The following SLC35F3 variants were observed in gnomAD, a reference collection of about 807,000 sequenced individuals.
The protein encoded by SLC35F3 is solute carrier family 35 member F3.
A neutral mutation model predicts 49.9 loss-of-function variants in SLC35F3; 25 were observed. The observed-to-expected ratio is 0.50, with a 90% CI of 0.37 to 0.70. The LOEUF (loss-of-function observed/expected upper bound fraction) is 0.70, where lower values mean the gene tolerates loss of function less well. SLC35F3 is among the 30% of genes least tolerant of loss of function. The pLI is 0.00. For synonymous variants in SLC35F3, 275 were observed against 265.4 expected, an observed-to-expected ratio of 1.04 and a Z score of -0.35; for missense variants, 525 against 639.8, an observed-to-expected ratio of 0.82 and a Z score of 1.94.
At chr1:234,051,763 A>G (rs1441027310) in intron 2 of SLC35F3, among the ~76,000 whole-genome samples, 1 of 152,070 alleles carries the variant, frequency 6.6e-6, no homozygotes, top group Non-Finnish European at 1.5e-5. Flanking sequence ...TCAGTATGAT[A>G]TTGGCTGTGG....
chr1:234,189,781 G>A (rs940688186), intron 2 of SLC35F3, among the ~76,000 whole-genome samples: 11 of 152,122 alleles, frequency 7.2e-5, no homozygotes, highest in African/African-American at 2.4e-4. Flanking sequence ...GTTATCCAAA[G>A]TCAAGACAAA....
chr1:234,183,015 C>T (rs1457134521), intron 2 of SLC35F3, among the ~76,000 whole-genome samples: 2 of 134,576 alleles, frequency 1.5e-5, no homozygotes, highest in Non-Finnish European at 3.1e-5. Context: ...TTGCTTAAGA[C>T]TTTTTGTTTG....
At chr1:234,065,988 G>A (rs1664611189) in intron 2 of SLC35F3, among the ~76,000 whole-genome samples, 1 of 152,228 alleles carries the variant, frequency 6.6e-6, no homozygotes, top group Admixed American at 6.5e-5. Context: ...CCGGAGGCAA[G>A]AGCCAAATCG....
intron 3 of SLC35F3, among the ~76,000 whole-genome samples, chr1:234,237,493 G>A (rs1176422564): frequency 6.6e-6 from 1 of 152,166 alleles, no homozygotes; most frequent in Non-Finnish European, 1.5e-5. Context: ...AAATGCTAAG[G>A]CATTGCCAAG....
chr1:234,077,231 C>G (rs1664806520), intron 2 of SLC35F3, among the ~76,000 whole-genome samples: 1 of 151,638 alleles, frequency 6.6e-6, no homozygotes, highest in Non-Finnish European at 1.5e-5. Context: ...GTCTCGATCT[C>G]CTGACCTCAT....
chr1:234,069,589 A>G (rs1001788850), intron 2 of SLC35F3, among the ~76,000 whole-genome samples: 4 of 152,172 alleles, frequency 2.6e-5, no homozygotes, highest in African/African-American at 9.6e-5. Context: ...CTCTGTCTGC[A>G]GTGCTAAGAG....
At chr1:234,143,930 G>T (rs1366133088) in intron 2 of SLC35F3, among the ~76,000 whole-genome samples, 1 of 152,128 alleles carries the variant, frequency 6.6e-6, no homozygotes, top group Non-Finnish European at 1.5e-5. Context: ...TTGTTTACAG[G>T]GGTCACAGGG....
intron 2 of SLC35F3, among the ~76,000 whole-genome samples, chr1:233,998,164 A>G (rs1365504472): frequency 3.3e-5 from 5 of 152,140 alleles, no homozygotes; most frequent in Non-Finnish European, 5.9e-5. Context: ...CTAATGTCTC[A>G]TACTATAAGC....
chr1:234,269,208 T>C (rs146076826), intron 3 of SLC35F3, among the ~76,000 whole-genome samples: 196 of 152,336 alleles, frequency 1.3e-3, no homozygotes, highest in Non-Finnish European at 2.4e-3. Context: ...AAAATTTTAA[T>C]TGGAGGAGGA....
At chr1:234,002,183 A>G (rs181278204) in intron 2 of SLC35F3, among the ~76,000 whole-genome samples, 19 of 152,330 alleles carry the variant, frequency 1.2e-4, no homozygotes, top group Non-Finnish European at 1.5e-5. Context: ...GAGAGTTCCT[A>G]TATATCCAGT....
chr1:234,256,321 C>T (rs193217701), intron 3 of SLC35F3, among the ~76,000 whole-genome samples: 114 of 152,162 alleles, frequency 7.5e-4, no homozygotes, highest in Non-Finnish European at 1.1e-3. Flanking sequence ...AAATAAAATT[C>T]GAAGCTCCCC....
At chr1:234,288,566 C>T (rs183686486) in intron 3 of SLC35F3, among the ~76,000 whole-genome samples, 54 of 152,326 alleles carry the variant, frequency 3.5e-4, no homozygotes, top group South Asian at 1.4e-3. Context: ...CATAAACTGA[C>T]GTCTGTCCTT....
At chr1:234,017,857 A>G (rs1231377734) in intron 2 of SLC35F3, among the ~76,000 whole-genome samples, 9 of 152,100 alleles carry the variant, frequency 5.9e-5, no homozygotes, top group Admixed American at 3.9e-4. Flanking sequence ...TTGAACCCCT[A>G]GCCAACAGAA....
At chr1:233,997,837 C>T (rs1168310645) in intron 2 of SLC35F3, among the ~76,000 whole-genome samples, 1 of 151,998 alleles carries the variant, frequency 6.6e-6, no homozygotes, top group Non-Finnish European at 1.5e-5. Context: ...CTGCAACCTC[C>T]GCCTCCCAGG....
intron 2 of SLC35F3, among the ~76,000 whole-genome samples, chr1:234,226,736 T>C (rs1451309815): frequency 6.6e-6 from 1 of 152,124 alleles, no homozygotes; most frequent in Non-Finnish European, 1.5e-5. Context: ...CTACTTCTGC[T>C]TAACCAAAGA....
intron 2 of SLC35F3, among the ~76,000 whole-genome samples, chr1:234,029,202 C>T (rs1223959174): frequency 6.6e-6 from 1 of 152,120 alleles, no homozygotes; most frequent in East Asian, 1.9e-4. Flanking sequence ...AGGCAATAGA[C>T]CCATGCCTCT....
intron 5 of SLC35F3, 91 bp from the exon 6 acceptor site, chr1:234,318,660 C>G: frequency 8.4e-7 from 1 of 1,183,508 alleles, no homozygotes; most frequent in Middle Eastern, 2.3e-4. Flanking sequence ...GCAGTGCAAA[C>G]CCAGCGTTGT....
At chr1:234,179,351 G>A (rs1666523703) in intron 2 of SLC35F3, among the ~76,000 whole-genome samples, 1 of 152,172 alleles carries the variant, frequency 6.6e-6, no homozygotes, top group Non-Finnish European at 1.5e-5. Context: ...GAATACTTGG[G>A]AGAGCAGGTT....
Position 234,320,620 on chromosome 1 carries a change from G to A in SLC35F3, c.1237+433G>A, listed in dbSNP as rs958066070. Among the ~76,000 whole-genome samples, 2 of 152,292 alleles carry A rather than the reference G, an allele frequency of 1.3e-5. No homozygotes were observed. The highest frequency in any genetic ancestry group is 3.9e-4 in the East Asian group (2 of 5,184). On this transcript the variant is annotated intron_variant, in intron 7 of 7. Coordinates refer to ENST00000366618, the MANE Select transcript of SLC35F3 (RefSeq NM_173508.4). This position sits in a 1 kb window ranked among gnomAD's most constrained non-coding sequence, Gnocchi z 4.8. ...TCACTTTTGCAGGTAACTTTCTGGG[G>A]GAGAAAATTTGCTCAAGGCATGAGG...
Sources: gnomAD v4.1 joint callset for allele counts (sites outside exome capture counted in the v4.1 genomes callset) on GRCh38, gnomAD v4.1.1 for gene constraint, Gnocchi (gnomAD v3.1) non-coding constraint, MANE v1.5 for transcripts, NCBI Gene and HGNC (gene_info 2026-07-23, HGNC 2026-07-21) for gene names.